Variants in SNX25 observed in about 807,000 individuals in gnomAD.
SNX25 encodes sorting nexin 25.
In SNX25, 62 loss-of-function variants were observed where a neutral mutation model predicts 113.7. The ratio of observed to expected loss-of-function variants is 0.55; its 90% confidence interval spans 0.44 to 0.67. SNX25 has a LOEUF of 0.67. Among genes scored for constraint, SNX25 ranks in the 30% least tolerant of loss-of-function variants. The probability of loss-of-function intolerance (pLI) is 0.00; values close to 1 mark genes in which losing one functional copy is unlikely to be tolerated. For missense variants in SNX25, 1,014 were observed against 1,161.0 expected (o/e 0.87, Z 1.84); for synonymous variants, 421 against 436.2 (o/e 0.97, Z 0.43).
chr4:185,347,976 T>TTTA (rs1443870838), intron 13 of SNX25, among the ~76,000 whole-genome samples: 1 of 152,250 alleles, frequency 6.6e-6, no homozygotes, highest in African/African-American at 2.4e-5. Context: ...TATCATTTTT[T>TTTA]TTATCTTATG....
intron 1 of SNX25, among the ~76,000 whole-genome samples, chr4:185,245,510 G>A (rs1248689253): frequency 6.6e-6 from 1 of 151,990 alleles, no homozygotes; most frequent in Non-Finnish European, 1.5e-5. Flanking sequence ...GCTAATTTTT[G>A]TATTTTTAGT....
At chr4:185,291,949 A>G (rs1313789156) in intron 6 of SNX25, among the ~76,000 whole-genome samples, 2 of 152,228 alleles carry the variant, frequency 1.3e-5, no homozygotes, top group Non-Finnish European at 2.9e-5. Flanking sequence ...GGTAAGTTCA[A>G]GTATAGCATT....
intron 3 of SNX25, among the ~76,000 whole-genome samples, chr4:185,259,367 G>C (rs1397344637): frequency 6.6e-6 from 1 of 152,076 alleles, no homozygotes; most frequent in Non-Finnish European, 1.5e-5. Flanking sequence ...TTTAAATGTA[G>C]TGTTTTCTAA....
chr4:185,312,591 C>T (rs1274247597), intron 7 of SNX25, among the ~76,000 whole-genome samples: 20 of 150,258 alleles, frequency 1.3e-4, no homozygotes, highest in African/African-American at 4.7e-4. Context: ...GGCGCGATAT[C>T]GGCTCACTGC....
chr4:185,377,040 A>T, the SNX25 span: 2 of 1,483,274 alleles, frequency 1.3e-6, no homozygotes, highest in Non-Finnish European at 1.9e-6. Flanking sequence ...AAGGTAAGGA[A>T]TTCCATCAAC....
chr4:185,304,646 C>T (rs898873383), intron 6 of SNX25, among the ~76,000 whole-genome samples: 9 of 152,224 alleles, frequency 5.9e-5, no homozygotes, highest in Middle Eastern at 6.8e-3. Flanking sequence ...CGTGAGCCAC[C>T]ACACCGGGCC....
chr4:185,309,491 C>A (rs1754941403), intron 6 of SNX25, among the ~76,000 whole-genome samples: 1 of 152,226 alleles, frequency 6.6e-6, no homozygotes, highest in East Asian at 1.9e-4. Flanking sequence ...GTTGAGTTAG[C>A]ATCTTCCACA....
At chr4:185,359,521 C>T (rs2095352828) in intron 16 of SNX25, among the ~76,000 whole-genome samples, 2 of 151,968 alleles carry the variant, frequency 1.3e-5, no homozygotes, top group South Asian at 2.1e-4. Context: ...AGGCCAGGCG[C>T]GGTGGCTCAC....
chr4:185,373,098 C>G, downstream of SNX25: 2 of 1,589,366 alleles, frequency 1.3e-6, no homozygotes, highest in Non-Finnish European at 1.7e-6. Context: ...AGCACAGTTT[C>G]ATCATTGTAT....
chr4:185,367,382 T>C (rs1020210056), downstream of SNX25: 6 of 686,414 alleles, frequency 8.7e-6, no homozygotes, highest in East Asian at 2.8e-5. Context: ...TTAAGATACT[T>C]TCTATTCTGA....
Position 185,332,622 on chromosome 4 carries a change from G to A in SNX25, c.1777G>A (p.Ala593Thr), listed in dbSNP as rs1394572524. ...MGPRDEAGEEAVDDGTNQINE... is the reference protein window; with the variant it reads ...MGPRDEAGEETVDDGTNQINE... Reference sequence around the variant, plus strand: ...CCCAAGAGATGAGGCTGGTGAGGAAGCCGTGGATGATGGTACCAATCAGAT... The same window carrying A: ...CCCAAGAGATGAGGCTGGTGAGGAAACCGTGGATGATGGTACCAATCAGAT... Residue 593 changes from alanine (A) to threonine (T), a missense_variant, in exon 10 of 19, where the codon GCC becomes ACC. Coordinates refer to ENST00000652585, the MANE Select transcript of SNX25 (RefSeq NM_001378034.2). 1.2e-6 allele frequency: 2 copies of A among 1,613,624 alleles called. No homozygotes were observed. The highest frequency in any genetic ancestry group is 1.7e-6 in the Non-Finnish European group (2 of 1,179,812).
intron 1 of SNX25, among the ~76,000 whole-genome samples, chr4:185,244,218 C>G (rs1304713828): frequency 6.6e-6 from 1 of 152,208 alleles, no homozygotes; most frequent in Non-Finnish European, 1.5e-5. Context: ...GCCTCAAACT[C>G]CTGACCCCAG....
At chr4:185,227,479 G>A (rs533800795) in intron 1 of SNX25, among the ~76,000 whole-genome samples, 30 of 152,332 alleles carry the variant, frequency 2.0e-4, no homozygotes, top group African/African-American at 6.7e-4. Context: ...GCATTCACCC[G>A]GGAAGGACTT....
At chr4:185,309,610 C>G (rs1470881296) in intron 6 of SNX25, among the ~76,000 whole-genome samples, 1 of 152,088 alleles carries the variant, frequency 6.6e-6, no homozygotes, top group African/African-American at 2.4e-5. Context: ...AATTCCTCGG[C>G]AACCTACCCT....
At chr4:185,327,693 C>T (rs1287311019) in intron 9 of SNX25, among the ~76,000 whole-genome samples, 1 of 152,188 alleles carries the variant, frequency 6.6e-6, no homozygotes, top group Non-Finnish European at 1.5e-5. Context: ...ACAAAACAAA[C>T]TTCCTTCATG....
chr4:185,311,140 A>G (rs1755182987), intron 7 of SNX25, among the ~76,000 whole-genome samples: 1 of 152,218 alleles, frequency 6.6e-6, no homozygotes, highest in Non-Finnish European at 1.5e-5. Flanking sequence ...CCCATTATCA[A>G]TTGAATAGAA....
At chr4:185,335,333 C>G (rs1172291396) in intron 10 of SNX25, among the ~76,000 whole-genome samples, 1 of 149,036 alleles carries the variant, frequency 6.7e-6, no homozygotes. Context: ...CACACACACA[C>G]ACACACACAC....
chr4:185,358,594 A>T (rs2126755224), intron 16 of SNX25, among the ~76,000 whole-genome samples: 1 of 152,360 alleles, frequency 6.6e-6, no homozygotes, highest in African/African-American at 2.4e-5. Context: ...TTGGTGAAGA[A>T]GTGGAACCAA....
At position 185,362,634 on chromosome 4, in the gene SNX25, C is replaced by G; in HGVS notation, c.2857C>G (p.Gln953Glu). The G allele has an allele frequency of 6.2e-7, 1 of 1,614,028 alleles. No individual in the cohort carries two copies. Among genetic ancestry groups the G allele is most frequent in the South Asian group, 1.1e-5 (1 of 91,060 alleles). The change falls in exon 18 of 19, where the codon CAG becomes GAG. Residue 953 changes from glutamine to glutamate, a missense_variant. Coordinates refer to ENST00000652585, the MANE Select transcript of SNX25 (RefSeq NM_001378034.2). Reference sequence around the variant, plus strand: ...AGATATGCTTCAGAGCCTTGTTGGACAGCAAAATGCCCGCCACGGTATAAT... The same window carrying G: ...AGATATGCTTCAGAGCCTTGTTGGAGAGCAAAATGCCCGCCACGGTATAAT... ...IPDMLQSLVG[Q>E]QNARHGIIKI...
Sources: allele counts gnomAD v4.1 joint callset (sites outside exome capture counted in the v4.1 genomes callset), GRCh38; gene constraint gnomAD v4.1.1; transcripts MANE v1.5; gene names NCBI Gene and HGNC (gene_info 2026-07-23, HGNC 2026-07-21).